The following FSCN2 variants were observed in gnomAD, a reference collection of about 807,000 sequenced individuals.
The protein encoded by FSCN2 is fascin actin-bundling protein 2, retinal.
Under a neutral mutation model 37.8 loss-of-function variants are expected in FSCN2, and 46 were observed. The observed-to-expected ratio is 1.22, with a 90% CI of 0.96 to 1.56. The LOEUF (loss-of-function observed/expected upper bound fraction) is 1.56. Among genes scored for constraint, FSCN2 ranks in the 40% most tolerant of loss-of-function variants. FSCN2 has a pLI of 0.00. For synonymous variants in FSCN2, 351 were observed against 309.4 expected, an observed-to-expected ratio of 1.13 and a Z score of -1.41; for missense variants, 844 against 730.4, an observed-to-expected ratio of 1.16 and a Z score of -1.79.
rs1294663817 is a variant in FSCN2, at chr17:81,537,087, G to A, written c.*7G>A. On this transcript the variant is annotated 3_prime_UTR_variant, in exon 5 of 5. Coordinates refer to ENST00000417245, the MANE Select transcript of FSCN2 (RefSeq NM_012418.4). ...CGCGCTTTGGGAGTACTGAGGCCGC[G>A]CCCAGACCAGCCTGTCGCGCATTAA... 7.8e-6 allele frequency: 11 copies of A among 1,416,720 alleles called. No individual in the cohort carries two copies. The highest frequency in any genetic ancestry group is 1.5e-5 in the African/African-American group (1 of 66,052). 87.8% of individuals were successfully genotyped at this position (1,416,720 alleles called of 1,614,324 possible). A position where few individuals can be genotyped will look rare whatever the true frequency, so the allele number is the denominator to read the frequency against.
upstream of FSCN2, chr17:81,523,684 G>A (rs1214736119): frequency 2.6e-5 from 4 of 152,386 alleles, no homozygotes; most frequent in Non-Finnish European, 4.4e-5. Flanking sequence ...GAGTGGCAGC[G>A]GTCAGGGCCT....
rs781811186 is a variant in FSCN2 at position 81,528,527 on chromosome 17, T to C, written c.-5T>C. The C allele has an allele frequency of 2.5e-6, 4 of 1,583,608 alleles. No homozygotes were observed. The highest frequency in any genetic ancestry group is 1.8e-5 in the Admixed American group (1 of 56,174). On this transcript the variant is annotated 5_prime_UTR_variant, in exon 1 of 5. Coordinates refer to ENST00000417245, the MANE Select transcript of FSCN2 (RefSeq NM_012418.4). ...GGCCCCTCCGGGGACCCGGCCAGCC[T>C]GAAGATGCCGACGAACGGCCTGCAC...
Position 81,535,168 on chromosome 17 carries a change from C to A in FSCN2, c.943C>A (p.Leu315Met). 6.5e-7 allele frequency: 1 copy of A among 1,533,666 alleles called. No individual in the cohort carries two copies. Among genetic ancestry groups the A allele is most frequent in the South Asian group, 1.2e-5 (1 of 83,730 alleles). The change falls in exon 2 of 5, where the codon CTG (leucine) becomes ATG (methionine). Residue 315 changes from leucine (L) to methionine (M), a missense_variant. Physicochemically the swap from Leu to Met is conservative, Grantham distance 15. Transcript: ENST00000417245. Reference sequence around the variant, plus strand: ...TTCCAGCACTGGGGGCTACTGGACCCTGGTCACCCATGGGGGCATTCACGC... The same window carrying A: ...TTCCAGCACTGGGGGCTACTGGACCATGGTCACCCATGGGGGCATTCACGC... The part of the protein sequence containing the change: ...FYSSTGGYWT[L>M]VTHGGIHATA...
intron 1 of FSCN2, chr17:81,530,463 C>G (rs1324949674): frequency 3.1e-5 from 12 of 383,672 alleles, no homozygotes; most frequent in East Asian, 2.0e-4. Context: ...AGCCCTGGCC[C>G]GGGCAGTCAC....
intron 1 of FSCN2, chr17:81,530,597 T>C (rs2032518326): frequency 1.2e-5 from 6 of 514,950 alleles, no homozygotes; most frequent in South Asian, 8.4e-5. Context: ...CAGACCAGCA[T>C]CAGCTGGGCA....
Position 81,529,179 on chromosome 17 carries a change from G to T in FSCN2, c.648G>T (p.Ala216=). The change falls in exon 1 of 5, where the codon GCG becomes GCT. Residue 216 remains alanine (A), a synonymous_variant. Coordinates refer to ENST00000417245, the MANE Select transcript of FSCN2 (RefSeq NM_012418.4). ...CCTGCTACACGCTGGAGTTCAAGGCGGGCAAGCTGGCCTTCAAGGACTGCG... is the reference window on the plus strand; with the variant it reads ...CCTGCTACACGCTGGAGTTCAAGGCTGGCAAGCTGGCCTTCAAGGACTGCG... ...PRACYTLEFK[A]GKLAFKDCDG... 6.3e-7 allele frequency: 1 copy of T among 1,593,104 alleles called. No homozygotes were observed. The highest frequency in any genetic ancestry group is 2.3e-5 in the East Asian group (1 of 43,838).
chr17:81,535,558 CCACCATCCCCAT>C (rs1436509149), intron 2 of FSCN2, among the ~76,000 whole-genome samples: 18 of 134,582 alleles, frequency 1.3e-4, no homozygotes, highest in African/African-American at 3.5e-4. Flanking sequence ...ATCTCCATCA[CCACCATCCCCAT>C]CACCATCCCC....
intron 1 of FSCN2, among the ~76,000 whole-genome samples, chr17:81,534,143 C>A (rs2032779466): frequency 6.6e-6 from 1 of 152,202 alleles, no homozygotes; most frequent in South Asian, 2.1e-4. Flanking sequence ...AGATCCCAGC[C>A]TGGGGCGTGA....
intron 2 of FSCN2, 31 bp from the exon 3 acceptor site, chr17:81,536,115 T>A (rs749526857): frequency 6.2e-7 from 1 of 1,601,944 alleles, no homozygotes; most frequent in Non-Finnish European, 8.5e-7. Flanking sequence ...TCTCCTGCTG[T>A]CCTGAGGAGA....
Position 81,531,964 on chromosome 17 carries a change from T to TGGTG in FSCN2, c.826+2607_826+2608insGGTG, listed in dbSNP as rs1415235662. ...ATGGTGATGATGATGGTGATGGTGA[T>TGGTG]AGTGATGATAATGGTGATGATGATG... On this transcript the variant is annotated intron_variant, in intron 1 of 4. Coordinates refer to ENST00000417245, the MANE Select transcript of FSCN2 (RefSeq NM_012418.4). Among the ~76,000 whole-genome samples, 224 of 141,668 alleles carry TGGTG rather than the reference T, an allele frequency of 1.6e-3. 2 individuals are homozygous for TGGTG. Among genetic ancestry groups the TGGTG allele is most frequent in the African/African-American group, 5.3e-3 (201 of 37,752 alleles). The allele number at this position is 141,668 out of a possible 152,430, so 92.9% of individuals were successfully genotyped here.
the FSCN2 span, among the ~76,000 whole-genome samples, chr17:81,518,793 GTC>G: frequency 6.6e-6 from 1 of 152,226 alleles, no homozygotes; most frequent in African/African-American, 2.4e-5. Context: ...CTCTCCAGGT[GTC>G]TCCACTCGAG....
At chr17:81,524,573 A>C (rs563713833), upstream of FSCN2, among the ~76,000 whole-genome samples, 1 of 152,112 alleles carries the variant, frequency 6.6e-6, no homozygotes, top group South Asian at 2.1e-4. Context: ...ATCCCATGTG[A>C]GTGGTTGGTT....
At chr17:81,517,907 C>T in the FSCN2 span, among the ~76,000 whole-genome samples, 1 of 152,142 alleles carries the variant, frequency 6.6e-6, no homozygotes, top group Non-Finnish European at 1.5e-5. Context: ...CCCCCACCCT[C>T]TTCACAGGGC....
chr17:81,536,362 C>G, intron 3 of FSCN2, 95 bp downstream of exon 3: 1 of 1,482,654 alleles, frequency 6.7e-7, no homozygotes, highest in East Asian at 2.5e-5. Flanking sequence ...GAGCTGGACC[C>G]TCCCCAGCCC....
At position 81,528,903 on chromosome 17, in the gene FSCN2, C is replaced by T. The variant is rs782705508; in HGVS notation, c.372C>T (p.Ala124=). ...ACCAGCTGTCCTGCTTCGCCACAGC[C>T]GTTTCCCCGGCCGAGCTGTGGACCG... The part of the protein sequence containing the change: ...TEDQLSCFAT[A]VSPAELWTVH... Residue 124 remains alanine (A), a synonymous_variant, in exon 1 of 5, where the codon GCC becomes GCT. Coordinates refer to ENST00000417245, the MANE Select transcript of FSCN2 (RefSeq NM_012418.4). 2.5e-6 allele frequency: 4 copies of T among 1,585,206 alleles called. No individual in the cohort carries two copies. Among genetic ancestry groups the T allele is most frequent in the Middle Eastern group, 1.7e-4 (1 of 5,726 alleles).
intron 1 of FSCN2, among the ~76,000 whole-genome samples, chr17:81,532,686 A>G (rs2032737799): frequency 1.4e-5 from 2 of 145,540 alleles, no homozygotes; most frequent in African/African-American, 5.1e-5. Flanking sequence ...GATGATAGTG[A>G]TGGTGATGGC....
the FSCN2 span, among the ~76,000 whole-genome samples, chr17:81,517,795 A>G: frequency 1.7e-4 from 12 of 69,824 alleles, no homozygotes; most frequent in African/African-American, 5.6e-4. Flanking sequence ...CTTCCTCCCC[A>G]GAGGCAGCGA....
At chr17:81,531,399 GTGA>G (rs2032578580) in intron 1 of FSCN2, among the ~76,000 whole-genome samples, 3 of 98,124 alleles carry the variant, frequency 3.1e-5, no homozygotes. Context: ...GGTGATGATG[GTGA>G]TGGTGATGGT....
At chr17:81,521,405 C>T in the FSCN2 span, among the ~76,000 whole-genome samples, 2 of 147,058 alleles carry the variant, frequency 1.4e-5, no homozygotes, top group African/African-American at 5.1e-5. Context: ...ATTCTGTCAT[C>T]CAGGTTAGAG....
Sources: gnomAD v4.1 joint callset for allele counts (sites outside exome capture counted in the v4.1 genomes callset) on GRCh38, gnomAD v4.1.1 for gene constraint, MANE v1.5 for transcripts, NCBI Gene and HGNC (gene_info 2026-07-23, HGNC 2026-07-21) for gene names.